Variants in CSMD1 observed in about 807,000 individuals in gnomAD.
The protein encoded by CSMD1 is CUB and sushi domain-containing protein 1.
CSMD1 carries 213 observed loss-of-function variants against 417.5 expected under a neutral mutation model. That is an observed-to-expected ratio of 0.51 (90% CI 0.46 to 0.57). CSMD1 has a LOEUF of 0.57. Among genes scored for constraint, CSMD1 ranks in the 20% least tolerant of loss-of-function variants. CSMD1 has a pLI of 0.00. For missense variants in CSMD1, 6,923 were observed against 4,529.7 expected (o/e 1.53, Z -15.17); for synonymous variants, 2,862 against 1,736.8 (o/e 1.65, Z -16.11).
At chr8:3,500,403 T>A (rs575631971) in intron 10 of CSMD1, among the ~76,000 whole-genome samples, 4 of 152,148 alleles carry the variant, frequency 2.6e-5, no homozygotes, top group Admixed American at 1.3e-4. Context: ...AGTATGGAGC[T>A]TGGGAGAGGT....
At chr8:3,327,189 G>A (rs1022831286) in intron 23 of CSMD1, among the ~76,000 whole-genome samples, 4 of 151,606 alleles carry the variant, frequency 2.6e-5, no homozygotes, top group African/African-American at 9.7e-5. Context: ...CACCCAGGCT[G>A]GAGTGTGCAG....
intron 3 of CSMD1, among the ~76,000 whole-genome samples, chr8:4,102,921 C>G (rs1331399407): frequency 6.6e-6 from 1 of 152,156 alleles, no homozygotes; most frequent in Non-Finnish European, 1.5e-5. Flanking sequence ...GCTGGAGTCA[C>G]ACATTTACTT....
chr8:3,293,280 T>C (rs1803714206), intron 25 of CSMD1, among the ~76,000 whole-genome samples: 2 of 152,184 alleles, frequency 1.3e-5, no homozygotes, highest in African/African-American at 4.8e-5. Flanking sequence ...ATTTCAACTT[T>C]GGTGAATCTG....
chr8:4,918,878 A>G (rs1806242775), intron 1 of CSMD1, among the ~76,000 whole-genome samples: 1 of 152,118 alleles, frequency 6.6e-6, no homozygotes, highest in African/African-American at 2.4e-5. Flanking sequence ...CACCCCTACA[A>G]CATGTAATTT....
chr8:3,412,049 TATATATACACACGTATATATAC>T (rs1295708681), intron 12 of CSMD1, among the ~76,000 whole-genome samples: 1 of 85,222 alleles, frequency 1.2e-5, no homozygotes, highest in African/African-American at 4.9e-5. Flanking sequence ...TATATACACG[TATATATACACACGTATATATAC>T]ATATATACAT....
chr8:4,757,952 T>A (rs1360749261), intron 1 of CSMD1, among the ~76,000 whole-genome samples: 1 of 142,056 alleles, frequency 7.0e-6, no homozygotes, highest in Admixed American at 7.0e-5. Context: ...AGAGAGAGAC[T>A]TTGTCTCAAA....
chr8:4,096,599 G>A (rs772017349), intron 3 of CSMD1, among the ~76,000 whole-genome samples: 4 of 152,136 alleles, frequency 2.6e-5, no homozygotes, highest in Non-Finnish European at 5.9e-5. Context: ...AGTTTGTATT[G>A]TGTAATCTGA....
chr8:3,787,367 A>T (rs1235308352), intron 5 of CSMD1, among the ~76,000 whole-genome samples: 1 of 152,208 alleles, frequency 6.6e-6, no homozygotes, highest in Non-Finnish European at 1.5e-5. Flanking sequence ...TTGCTTGCAA[A>T]ATCAATTAAG....
At chr8:4,804,502 A>G (rs1383071776) in intron 1 of CSMD1, among the ~76,000 whole-genome samples, 1 of 151,100 alleles carries the variant, frequency 6.6e-6, no homozygotes, top group Non-Finnish European at 1.5e-5. Flanking sequence ...CTGACTTTAT[A>G]TTACCACCAG....
intron 49 of CSMD1, among the ~76,000 whole-genome samples, chr8:3,085,350 T>C (rs993775928): frequency 1.3e-5 from 2 of 152,188 alleles, no homozygotes; most frequent in Admixed American, 1.3e-4. Context: ...AAGTCACAGA[T>C]CTGTTTTAGA....
At chr8:4,240,854 T>G (rs1334852789) in intron 3 of CSMD1, among the ~76,000 whole-genome samples, 1 of 152,228 alleles carries the variant, frequency 6.6e-6, no homozygotes, top group Non-Finnish European at 1.5e-5. Flanking sequence ...TGGGGTAGCA[T>G]TTTTTAAAAT....
At chr8:4,932,147 T>A (rs73510092) in intron 1 of CSMD1, among the ~76,000 whole-genome samples, 1 of 152,202 alleles carries the variant, frequency 6.6e-6, no homozygotes, top group Non-Finnish European at 1.5e-5. Context: ...TGCTTCTAGA[T>A]AAATTGATTA....
chr8:3,750,463 ATTG>A (rs1797280982), intron 6 of CSMD1, among the ~76,000 whole-genome samples: 2 of 151,892 alleles, frequency 1.3e-5, no homozygotes, highest in Non-Finnish European at 1.5e-5. Context: ...TATAATTATT[ATTG>A]TTGTCTTATT....
intron 7 of CSMD1, among the ~76,000 whole-genome samples, chr8:3,689,916 A>T (rs954134847): frequency 2.6e-5 from 4 of 152,250 alleles, no homozygotes; most frequent in African/African-American, 9.6e-5. Flanking sequence ...TAAAGCTGCA[A>T]ATAATCACGT....
intron 17 of CSMD1, among the ~76,000 whole-genome samples, chr8:3,392,226 T>C (rs1332451599): frequency 6.6e-6 from 1 of 151,900 alleles, no homozygotes; most frequent in African/African-American, 2.4e-5. Context: ...CTGCACGTTG[T>C]CACATGTACC....
chr8:3,401,655 C>A (rs1812046059), intron 15 of CSMD1, among the ~76,000 whole-genome samples: 1 of 152,158 alleles, frequency 6.6e-6, no homozygotes, highest in Non-Finnish European at 1.5e-5. Context: ...TGTGGCATGT[C>A]TAGGTCTGTG....
intron 5 of CSMD1, among the ~76,000 whole-genome samples, chr8:3,764,310 G>A (rs1388100812): frequency 6.6e-6 from 1 of 152,152 alleles, no homozygotes; most frequent in Admixed American, 6.5e-5. Flanking sequence ...GTGCTGTAGG[G>A]AAACTCTCCT....
At chr8:3,376,809 T>C (rs1407807968) in intron 18 of CSMD1, among the ~76,000 whole-genome samples, 2 of 152,072 alleles carry the variant, frequency 1.3e-5, no homozygotes, top group African/African-American at 4.8e-5. Flanking sequence ...TTTTCTTTTC[T>C]GAAAGCTATG....
At chr8:4,517,365 A>T (rs1242102721) in intron 2 of CSMD1, among the ~76,000 whole-genome samples, 4 of 152,164 alleles carry the variant, frequency 2.6e-5, no homozygotes, top group Non-Finnish European at 5.9e-5. Flanking sequence ...CAGTGCAGTC[A>T]TAGGTTAAAC....
Sources: gnomAD v4.1 joint callset for allele counts (sites outside exome capture counted in the v4.1 genomes callset) on GRCh38, gnomAD v4.1.1 for gene constraint, MANE v1.5 for transcripts, NCBI Gene and HGNC (gene_info 2026-07-23, HGNC 2026-07-21) for gene names.